SARNP: variants seen among roughly 807,000 people sequenced by gnomAD.
SARNP encodes the protein SAP domain containing ribonucleoprotein.
SARNP carries 5 observed loss-of-function variants against 38.1 expected under a neutral mutation model. That is an observed-to-expected ratio of 0.13 (90% CI 0.07 to 0.28). SARNP has a LOEUF of 0.28. Ranked by LOEUF, SARNP falls within the 10% of genes least tolerant of loss-of-function variation. SARNP has a pLI of 1.00. For synonymous variants in SARNP, 84 were observed against 80.6 expected, an observed-to-expected ratio of 1.04 and a Z score of -0.23; for missense variants, 180 against 243.9, an observed-to-expected ratio of 0.74 and a Z score of 1.75.
rs149166257 is a variant in SARNP at position 55,800,010 on chromosome 12, T to C, written c.251+552A>G. On this transcript the variant is annotated intron_variant, in intron 4 of 10. Transcript: ENST00000336133. ...TTCAAAACCAGCCTGGCCAACATGG[T>C]AAAACCCTGTCTCTACTAAAAATAC... Among the ~76,000 whole-genome samples, 523 of 151,648 alleles carry C rather than the reference T, an allele frequency of 3.4e-3. 2 individuals are homozygous for C. Among genetic ancestry groups the C allele is most frequent in the African/African-American group, 0.012 (495 of 41,422 alleles).
At chr12:55,765,220 C>T (rs2136179043) in intron 9 of SARNP, among the ~76,000 whole-genome samples, 1 of 152,224 alleles carries the variant, frequency 6.6e-6, no homozygotes, top group African/African-American at 2.4e-5. Context: ...AAGCACAAAC[C>T]CTGAGGCCAA....
chr12:55,799,559 C>CTTTTTTTTT lies in SARNP; in HGVS notation c.251+994_251+1002dup, dbSNP rs10529763. The stretch of plus-strand genomic sequence containing the variant: ...AAACTCCTTTATATAGAGTGTCACA[C>CTTTTTTTTT]TTTTTTTTTTTTTTTTCCCGAGACA... On this transcript the variant is annotated intron_variant, in intron 4 of 10. Coordinates refer to ENST00000336133, the MANE Select transcript of SARNP (RefSeq NM_033082.4). Among the ~76,000 whole-genome samples, 33 of 112,222 alleles carry CTTTTTTTTT rather than the reference C, an allele frequency of 2.9e-4. 2 individuals are homozygous for CTTTTTTTTT. In the East Asian group the frequency reaches 5.2e-3, roughly 18 times the overall value. 73.6% of individuals were successfully genotyped at this position (112,222 alleles called of 152,430 possible).
chr12:55,792,922 T>A (rs1879715764), intron 7 of SARNP: 1 of 151,810 alleles, frequency 6.6e-6, no homozygotes, highest in Non-Finnish European at 1.5e-5. Context: ...TGGGTTCAAC[T>A]GATCCTCCCG....
At chr12:55,771,525 G>A (rs1879008074) in intron 9 of SARNP, among the ~76,000 whole-genome samples, 1 of 152,136 alleles carries the variant, frequency 6.6e-6, no homozygotes, top group Non-Finnish European at 1.5e-5. Flanking sequence ...GTGAGAAGCA[G>A]AAATTCCAAT....
chr12:55,799,496 A>C (rs1469884995), intron 4 of SARNP, among the ~76,000 whole-genome samples: 2 of 151,882 alleles, frequency 1.3e-5, no homozygotes, highest in Admixed American at 6.6e-5. Flanking sequence ...GTGCTACTTC[A>C]GAAACATAAC....
intron 5 of SARNP, 80 bp downstream of exon 5, chr12:55,795,944 TA>T: frequency 1.0e-6 from 1 of 986,278 alleles, no homozygotes; most frequent in South Asian, 1.5e-5. Context: ...GAATAAATTT[TA>T]GAGGATGATG....
intron 5 of SARNP, among the ~76,000 whole-genome samples, 173 bp downstream of exon 5, chr12:55,795,852 C>T (rs1879804352): frequency 6.6e-6 from 1 of 152,160 alleles, no homozygotes; most frequent in Admixed American, 6.5e-5. Context: ...ACTACCCCTA[C>T]GCCAGCCAAA....
downstream of SARNP, chr12:55,753,275 G>A (rs1878383081): frequency 6.6e-6 from 1 of 152,160 alleles, no homozygotes; most frequent in African/African-American, 2.4e-5. Flanking sequence ...CCTGTTCCTA[G>A]GTTTCCTCAA....
chr12:55,789,943 CAAAAAAA>C (rs1158181574), intron 8 of SARNP, among the ~76,000 whole-genome samples: 9 of 45,776 alleles, frequency 2.0e-4, no homozygotes, highest in Non-Finnish European at 3.7e-4. Context: ...AACTCCGTCT[CAAAAAAA>C]AAAAAAAAAA....
intron 5 of SARNP, among the ~76,000 whole-genome samples, chr12:55,795,709 T>C (rs958698362): frequency 6.6e-6 from 1 of 152,124 alleles, no homozygotes; most frequent in African/African-American, 2.4e-5. Flanking sequence ...AGTAGCAACA[T>C]AAGAGTCACA....
intron 1 of SARNP, among the ~76,000 whole-genome samples, chr12:55,809,768 G>A (rs955797915): frequency 6.7e-6 from 1 of 149,200 alleles, no homozygotes. Context: ...AAAAAGAAAA[G>A]AGTTATAGAA....
intron 5 of SARNP, 77 bp from the exon 6 acceptor site, chr12:55,794,957 TAAAAAA>T (rs373511418): frequency 3.7e-4 from 54 of 145,398 alleles, no homozygotes; most frequent in South Asian, 2.7e-3. Context: ...TAGGTATCTT[TAAAAAA>T]AAAAAAAAAA....
chr12:55,809,656 T>C (rs1880265944), intron 1 of SARNP, among the ~76,000 whole-genome samples: 1 of 150,602 alleles, frequency 6.6e-6, no homozygotes, highest in African/African-American at 2.4e-5. Flanking sequence ...GGCAGGGGCA[T>C]CACTTGAGTC....
rs747302473 is a variant in SARNP at position 55,803,736 on chromosome 12, G to GA, written c.37-9dup. The GA allele has an allele frequency of 2.0e-5, 32 of 1,603,850 alleles. No individual in the cohort carries two copies. The Admixed American group carries it at 5.1e-4, about 26-fold the overall frequency. On this transcript the variant is annotated splice_polypyrimidine_tract_variant and intron_variant, in intron 1 of 10. Coordinates refer to ENST00000336133, the MANE Select transcript of SARNP (RefSeq NM_033082.4). ...TTGCTTTAGTTCGGCAAGCTGAGGG[G>GA]AAAAAAATAAAACTTTTCCTTAGTT...
chr12:55,785,780 A>T (rs1321247617), intron 9 of SARNP, among the ~76,000 whole-genome samples: 3 of 139,074 alleles, frequency 2.2e-5, no homozygotes, highest in African/African-American at 2.6e-5. Flanking sequence ...TGTCTCAGAC[A>T]AAAAAAAAAA....
chr12:55,789,244 T>A (rs139849922), intron 8 of SARNP, 101 bp from the exon 9 acceptor site: 1 of 779,286 alleles, frequency 1.3e-6, no homozygotes, highest in East Asian at 2.6e-5. Flanking sequence ...AATAAGCCTA[T>A]AACATCAAAG....
intron 4 of SARNP, among the ~76,000 whole-genome samples, chr12:55,798,947 T>G (rs1879897853): frequency 6.6e-6 from 1 of 152,168 alleles, no homozygotes; most frequent in Admixed American, 6.5e-5. Flanking sequence ...GAACAATGCC[T>G]AGCATATAAC....
chr12:55,775,966 A>G (rs1879169510), intron 9 of SARNP, among the ~76,000 whole-genome samples: 1 of 152,126 alleles, frequency 6.6e-6, no homozygotes, highest in African/African-American at 2.4e-5. Flanking sequence ...AAAATTTCCT[A>G]TCAAAAAAAT....
At chr12:55,798,038 T>G (rs1361397827) in intron 4 of SARNP, among the ~76,000 whole-genome samples, 1 of 152,226 alleles carries the variant, frequency 6.6e-6, no homozygotes, top group Non-Finnish European at 1.5e-5. Flanking sequence ...ATTATCATGG[T>G]ATTCACTTGA....
Sources: gnomAD v4.1 joint callset for allele counts (sites outside exome capture counted in the v4.1 genomes callset) on GRCh38, gnomAD v4.1.1 for gene constraint, MANE v1.5 for transcripts, NCBI Gene and HGNC (gene_info 2026-07-23, HGNC 2026-07-21) for gene names.